CUX1: variants seen among roughly 807,000 people sequenced by gnomAD.
CUX1 encodes cut like homeobox 1, also known as protein CASP.
A neutral mutation model predicts 158.8 loss-of-function variants in CUX1; 31 were observed. The ratio of observed to expected loss-of-function variants is 0.20; its 90% CI spans 0.15 to 0.26. The LOEUF (loss-of-function observed/expected upper bound fraction) is 0.26. CUX1 is among the 10% of genes least tolerant of loss of function. The pLI is 1.00. For missense variants in CUX1, 1,589 were observed against 2,014.6 expected, an observed-to-expected ratio of 0.79 and a Z score of 4.04; for synonymous variants, 879 against 862.1, an observed-to-expected ratio of 1.02 and a Z score of -0.34.
At chr7:102,149,615 C>T (rs538138155) in intron 8 of CUX1, among the ~76,000 whole-genome samples, 50 of 152,340 alleles carry the variant, frequency 3.3e-4, no homozygotes, top group African/African-American at 9.6e-4. Context: ...CTGGGCCCAT[C>T]GCCATCAGGG....
At position 102,042,098 on chromosome 7, in the gene CUX1, A is replaced by G. The variant is rs1469080792; in HGVS notation, c.189+13953A>G. On this transcript the variant is annotated intron_variant, in intron 3 of 23. Transcript: ENST00000292535. ...TGTCTTTGTACCTGTTTCTGTCCCCATCTTACCAGTACTTGCCTAAATACT... is the reference window on the plus strand; with the variant it reads ...TGTCTTTGTACCTGTTTCTGTCCCCGTCTTACCAGTACTTGCCTAAATACT... Among the ~76,000 whole-genome samples, 4 of 152,126 alleles carry G rather than the reference A, an allele frequency of 2.6e-5. No homozygotes were observed. The East Asian group carries it at 5.8e-4, about 22-fold the overall frequency.
intron 8 of CUX1, among the ~76,000 whole-genome samples, chr7:102,151,996 C>T (rs1392710516): frequency 2.0e-5 from 3 of 152,068 alleles, no homozygotes; most frequent in African/African-American, 7.2e-5. Context: ...CGCTTCAGGC[C>T]ATGAGTTCAA....
intron 3 of CUX1, among the ~76,000 whole-genome samples, chr7:102,046,902 G>A (rs915764703): frequency 6.6e-5 from 10 of 152,100 alleles, no homozygotes; most frequent in Non-Finnish European, 1.3e-4. Flanking sequence ...TTGACAGCTT[G>A]CGAAGTGCAT....
At chr7:102,245,084 C>G (rs575828837) in intron 23 of CUX1, among the ~76,000 whole-genome samples, 3 of 152,130 alleles carry the variant, frequency 2.0e-5, no homozygotes, top group Non-Finnish European at 2.9e-5. Context: ...GCTCTGTCGC[C>G]GAGGCTGGAG....
chr7:101,960,638 C>G (rs910693904), intron 2 of CUX1: 1 of 152,156 alleles, frequency 6.6e-6, no homozygotes, highest in Non-Finnish European at 1.5e-5. Context: ...AAGACCCCGT[C>G]TCAAAAAAGC....
Position 102,280,144 on chromosome 7 carries a change from G to A in CUX1, c.1764+24G>A, listed in dbSNP as rs1305208227. 4.0e-6 allele frequency: 6 copies of A among 1,513,090 alleles called. No homozygotes were observed. The Admixed American group carries it at 8.4e-5, about 21-fold the overall frequency. The allele number at this position is 1,513,090 out of a possible 1,614,324, so 93.7% of individuals were successfully genotyped here. On this transcript the variant is annotated intron_variant, in intron 19 of 22. Transcript: ENST00000292538. ...GGGTTCGTGAGCCCAGCCTGGGCAGGGGAGGGGAGGGGCATCAGCCCAGGG... is the reference window on the plus strand; with the variant it reads ...GGGTTCGTGAGCCCAGCCTGGGCAGAGGAGGGGAGGGGCATCAGCCCAGGG...
chr7:102,087,863 C>A (rs1386085709), intron 4 of CUX1, among the ~76,000 whole-genome samples: 2 of 151,988 alleles, frequency 1.3e-5, no homozygotes, highest in South Asian at 2.1e-4. Flanking sequence ...TATTCCCTTG[C>A]GTGGATTCAA....
chr7:102,060,624 C>CACACACACAA (rs1341372688), intron 3 of CUX1, among the ~76,000 whole-genome samples: 39 of 150,834 alleles, frequency 2.6e-4, no homozygotes, highest in Admixed American at 6.0e-4. Context: ...CACACACACA[C>CACACACACAA]ACACACACAC....
intron 2 of CUX1, among the ~76,000 whole-genome samples, chr7:102,019,400 T>C (rs1819071666): frequency 6.6e-6 from 1 of 152,152 alleles, no homozygotes; most frequent in African/African-American, 2.4e-5. Context: ...AATTTTTCTA[T>C]TTTTAGTAGA....
At chr7:101,989,111 A>G (rs937159628) in intron 2 of CUX1, among the ~76,000 whole-genome samples, 2 of 152,102 alleles carry the variant, frequency 1.3e-5, no homozygotes, top group African/African-American at 2.4e-5. Context: ...GGCTCGGCTC[A>G]GGGGCCTGCC....
intron 14 of CUX1, among the ~76,000 whole-genome samples, chr7:102,266,565 T>A (rs555719898): frequency 2.6e-4 from 40 of 152,150 alleles, no homozygotes; most frequent in African/African-American, 9.2e-4. Context: ...GCATCCCGCA[T>A]GGCCAGAGCG....
chr7:101,914,973 G>C (rs1260532367), intron 1 of CUX1, among the ~76,000 whole-genome samples: 2 of 152,174 alleles, frequency 1.3e-5, no homozygotes, highest in African/African-American at 4.8e-5. Flanking sequence ...GGGGGGTGGA[G>C]AAGGAGAGGC....
intron 2 of CUX1, among the ~76,000 whole-genome samples, chr7:101,943,723 G>A (rs931239302): frequency 3.3e-5 from 5 of 151,590 alleles, no homozygotes; most frequent in Non-Finnish European, 7.4e-5. Context: ...GATGAGTCTC[G>A]TTGGCACCTT....
At chr7:102,044,869 G>T (rs1462913265) in intron 3 of CUX1, among the ~76,000 whole-genome samples, 2 of 152,108 alleles carry the variant, frequency 1.3e-5, no homozygotes, top group Non-Finnish European at 2.9e-5. Flanking sequence ...AGGATGATGC[G>T]TTCTGGCTGG....
Position 102,227,362 on chromosome 7 carries a change from T to G in CUX1, c.3131-5T>G. On this transcript the variant is annotated splice_region_variant and splice_polypyrimidine_tract_variant and intron_variant, in intron 20 of 23. Transcript: ENST00000292535. Reference sequence around the variant, plus strand: ...GGCACGGTTTCTCGTGTGCTTTAATTACAGAAAGCACTCCAAAGACCTCCG... The same window carrying G: ...GGCACGGTTTCTCGTGTGCTTTAATGACAGAAAGCACTCCAAAGACCTCCG... 6.3e-7 allele frequency: 1 copy of G among 1,596,104 alleles called. No homozygotes were observed. The highest frequency in any genetic ancestry group is 1.7e-5 in the Admixed American group (1 of 59,008).
chr7:102,275,327 C>T (rs782713359), exon 17 of CUX1: 14 of 1,612,518 alleles, frequency 8.7e-6, no homozygotes, highest in African/African-American at 4.0e-5. Flanking sequence ...CCAGAGGGAG[C>T]GCTTCCGTGC....
intron 8 of CUX1, among the ~76,000 whole-genome samples, chr7:102,142,653 G>T (rs1286604484): frequency 1.4e-5 from 2 of 147,766 alleles, no homozygotes; most frequent in African/African-American, 5.0e-5. Flanking sequence ...CATGTGTAAT[G>T]GTGCACACCT....
chr7:102,261,074 C>A (rs990043196), downstream of CUX1, among the ~76,000 whole-genome samples: 1 of 152,252 alleles, frequency 6.6e-6, no homozygotes, highest in Non-Finnish European at 1.5e-5. Flanking sequence ...TGCTTAGCAA[C>A]CGACTCATGC....
chr7:102,246,373 T>G (rs1395286311), intron 23 of CUX1, among the ~76,000 whole-genome samples: 1 of 152,186 alleles, frequency 6.6e-6, no homozygotes, highest in Non-Finnish European at 1.5e-5. Flanking sequence ...CTTTCCTTTC[T>G]GAACCAGAGC....
Sources: gnomAD v4.1 joint callset for allele counts (sites outside exome capture counted in the v4.1 genomes callset) on GRCh38, gnomAD v4.1.1 for gene constraint, MANE v1.5 for transcripts, NCBI Gene and HGNC (gene_info 2026-07-23, HGNC 2026-07-21) for gene names.